The following MSLN variants were observed in gnomAD, a reference collection of about 807,000 sequenced individuals.
MSLN encodes mesothelin, also known as CAK1 antigen.
In MSLN, 82 loss-of-function variants were observed where a neutral mutation model predicts 72.6. The observed-to-expected ratio is 1.13, with a 90% CI of 0.94 to 1.36. The LOEUF (loss-of-function observed/expected upper bound fraction) is 1.36. Ranked by LOEUF, MSLN falls within the 40% of genes most tolerant of loss-of-function variation. The pLI is 0.00. For synonymous variants in MSLN, 456 were observed against 387.3 expected (o/e 1.18, Z -2.08); for missense variants, 1,005 against 847.9 (o/e 1.19, Z -2.30).
chr16:763,521 C>A (rs943360780), intron 4 of MSLN, 121 bp from the exon 5 acceptor site: 1 of 1,054,498 alleles, frequency 9.5e-7, no homozygotes, highest in Non-Finnish European at 1.4e-6. Context: ...GGGTCTGAGA[C>A]ACAGCCAGGC....
Position 766,693 on chromosome 16 carries a change from TGAAGG to T in MSLN, c.1263_1267del (p.Arg422ProfsTer46), listed in dbSNP as rs754100402. The stretch of plus-strand genomic sequence containing the variant: ...GTGGCCACCCTGATCGACCGCTTTG[TGAAGG>T]GAAGGGGCCAGCTAGACAAAGACAC... On this transcript the variant is annotated frameshift_variant, in exon 14 of 18. Coordinates refer to ENST00000545450, the MANE Select transcript of MSLN (RefSeq NM_005823.6). LOFTEE classifies it high-confidence loss of function. The T allele has an allele frequency of 1.9e-6, 3 of 1,612,464 alleles. No individual in the cohort carries two copies. In the East Asian group the frequency reaches 6.7e-5, roughly 36 times the overall value.
In MSLN at chr16:762,779, G is replaced by A; in HGVS notation, c.85+14G>A. On this transcript the variant is annotated intron_variant, in intron 3 of 17. Coordinates refer to ENST00000545450, the MANE Select transcript of MSLN (RefSeq NM_005823.6). ...TCTTCAGCCTCGGTGCGTACTTGAT[G>A]GGGCTGCTGGTGAGGTGGGGACGGC... 1 of 1,559,358 alleles carries A rather than the reference G, an allele frequency of 6.4e-7. No homozygotes were observed. Among genetic ancestry groups the A allele is most frequent in the Non-Finnish European group, 8.6e-7 (1 of 1,156,960 alleles).
chr16:767,367 G>T lies in MSLN; in HGVS notation c.1502-9G>T. 1.2e-6 allele frequency: 2 copies of T among 1,610,676 alleles called. No homozygotes were observed. Among genetic ancestry groups the T allele is most frequent in the Non-Finnish European group, 1.7e-6 (2 of 1,179,030 alleles). On this transcript the variant is annotated splice_polypyrimidine_tract_variant and intron_variant, in intron 15 of 17. Transcript: ENST00000545450. Reference sequence around the variant, plus strand: ...AGGCCTCAGCTCGGGCCCCTCTCCCGGCGGGCAGGTGGGGCCCCCACGGAG... The same window carrying T: ...AGGCCTCAGCTCGGGCCCCTCTCCCTGCGGGCAGGTGGGGCCCCCACGGAG...
At position 765,304 on chromosome 16, in the gene MSLN, GTAA is replaced by G. The variant is rs1182661893; in HGVS notation, c.704+2_704+4del. 1.9e-6 allele frequency: 3 copies of G among 1,565,464 alleles called. No homozygotes were observed. In the African/African-American group the frequency reaches 4.1e-5, roughly 21 times the overall value. On this transcript the variant is annotated splice_donor_variant and splice_donor_region_variant and intron_variant, in intron 9 of 17. Coordinates refer to ENST00000545450, the MANE Select transcript of MSLN (RefSeq NM_005823.6). LOFTEE classifies it high-confidence loss of function. Reference sequence around the variant, plus strand: ...TGCAGGGCGGGGGACCCCCCTACGGGTAAGTGAAGGTGTCTGGAACCTCGAAGG... The same window carrying G: ...TGCAGGGCGGGGGACCCCCCTACGGGGTGAAGGTGTCTGGAACCTCGAAGG...
chr16:768,161 G>A (rs1223567424), intron 16 of MSLN, among the ~76,000 whole-genome samples: 2 of 151,136 alleles, frequency 1.3e-5, no homozygotes, highest in East Asian at 2.0e-4. Flanking sequence ...GTCTGCAGTG[G>A]GGCGAGGCCT....
chr16:763,738 C>T (rs1255576725), intron 5 of MSLN, 47 bp downstream of exon 5: 1 of 1,542,372 alleles, frequency 6.5e-7, no homozygotes, highest in Non-Finnish European at 8.8e-7. Flanking sequence ...CTCGAGGGGC[C>T]CTCGGGACTG....
chr16:761,236 G>A (rs2041532934), intron 2 of MSLN, 62 bp downstream of exon 2: 1 of 152,292 alleles, frequency 6.6e-6, no homozygotes, highest in Non-Finnish European at 1.5e-5. Flanking sequence ...CCTTCCATCT[G>A]GAGAACTGGG....
chr16:767,482 G>C lies in MSLN; in HGVS notation c.1596+12G>C. On this transcript the variant is annotated intron_variant, in intron 16 of 17. Coordinates refer to ENST00000545450, the MANE Select transcript of MSLN (RefSeq NM_005823.6). ...CGGATGCGGTGCTGGTATGGCGAGC[G>C]GGAGGAGGGGCGTGTGGAGGAGGGG... 1 of 1,570,964 alleles carries C rather than the reference G, an allele frequency of 6.4e-7. No individual in the cohort carries two copies. Among genetic ancestry groups the C allele is most frequent in the Non-Finnish European group, 8.6e-7 (1 of 1,164,342 alleles).
At position 766,233 on chromosome 16, in the gene MSLN, A is replaced by G. The variant is rs771485031; in HGVS notation, c.1070A>G (p.Asp357Gly). 1 of 1,609,506 alleles carries G rather than the reference A, an allele frequency of 6.2e-7. No homozygotes were observed. The highest frequency in any genetic ancestry group is 1.1e-5 in the South Asian group (1 of 91,036). ...EQLDVLKHKL[D>G]ELYPQGYPES... ...CTGGACGTCCTAAAGCATAAACTGG[A>G]TGAGGTAGTTCATGACTCAAGTTCC... The change falls in exon 12 of 18, where the codon GAT (aspartate) becomes GGT (glycine). Residue 357 changes from aspartate to glycine, a missense_variant. Physicochemically the swap from Asp to Gly is moderately conservative, Grantham distance 94. Transcript: ENST00000545450.
intron 15 of MSLN, 69 bp from the exon 16 acceptor site, chr16:767,306 TG>T (rs2041628445): frequency 7.1e-7 from 1 of 1,415,470 alleles, no homozygotes; most frequent in African/African-American, 1.4e-5. Context: ...GTGGGCTTCC[TG>T]CAGCCTGTGG....
chr16:764,389 C>T (rs988322289), intron 6 of MSLN, among the ~76,000 whole-genome samples: 14 of 152,186 alleles, frequency 9.2e-5, no homozygotes, highest in Admixed American at 4.6e-4. Flanking sequence ...CCTGGAGCGC[C>T]GTGGGCAGCC....
intron 8 of MSLN, 35 bp from the exon 9 acceptor site, chr16:765,075 C>T (rs962390774): frequency 4.4e-6 from 7 of 1,607,306 alleles, no homozygotes; most frequent in Admixed American, 3.3e-5. Context: ...GAGGGCTCGG[C>T]AGTTCCAAAA....
chr16:762,505 G>T (rs1050372157), intron 2 of MSLN, 167 bp from the exon 3 acceptor site: 8 of 621,982 alleles, frequency 1.3e-5, no homozygotes, highest in Non-Finnish European at 5.7e-6. Context: ...CCAGGGGACA[G>T]AGGGCTCAGT....
intron 16 of MSLN, 63 bp downstream of exon 16, chr16:767,533 G>C: frequency 1.1e-6 from 1 of 943,666 alleles, no homozygotes; most frequent in South Asian, 1.7e-5. Flanking sequence ...CGAGTGGGAG[G>C]AGGGGCGCGT....
At chr16:762,797 G>C (rs1181552313) in intron 3 of MSLN, 32 bp downstream of exon 3, 1 of 1,529,448 alleles carries the variant, frequency 6.5e-7, no homozygotes, top group Non-Finnish European at 8.8e-7. Flanking sequence ...TGGTGAGGTG[G>C]GGACGGCCCA....
chr16:764,371 G>C (rs544029074), intron 6 of MSLN, among the ~76,000 whole-genome samples: 4 of 152,324 alleles, frequency 2.6e-5, no homozygotes, highest in Non-Finnish European at 4.4e-5. Flanking sequence ...CTGTGTGCTG[G>C]GCCCCCTCCT....
At chr16:763,838 G>A (rs1259924437) in intron 5 of MSLN, 147 bp downstream of exon 5, 2 of 113,794 alleles carry the variant, frequency 1.8e-5, no homozygotes, top group Non-Finnish European at 2.2e-5. Context: ...GACTGCGGGA[G>A]GGACTGACAC....
chr16:768,445 CG>C lies in MSLN; in HGVS notation c.1665del (p.His556ThrfsTer34). 2 of 1,529,234 alleles carry C rather than the reference CG, an allele frequency of 1.3e-6. No homozygotes were observed. Among genetic ancestry groups the C allele is most frequent in the Non-Finnish European group, 1.8e-6 (2 of 1,134,944 alleles). The allele number at this position is 1,529,234 out of a possible 1,614,324, so 94.7% of individuals were successfully genotyped here. ...PHVEGLKAEE[R>X]HRPVRDWILR... is the part of the protein sequence containing the mutation. ...CGTGGAGGGCCTGAAGGCGGAGGAG[CG>C]GCACCGCCCGGTGCGGGACTGGATC... On this transcript the variant is annotated frameshift_variant, in exon 17 of 18. Coordinates refer to ENST00000545450, the MANE Select transcript of MSLN (RefSeq NM_005823.6). LOFTEE classifies it high-confidence loss of function.
At position 768,816 on chromosome 16, in the gene MSLN, C is replaced by T. The variant is rs767234287; in HGVS notation, c.*83C>T. On this transcript the variant is annotated 3_prime_UTR_variant, in exon 18 of 18. Transcript: ENST00000545450. ...AGGCACGGGTGGTCCCCGTTCCACC[C>T]CAAGAGAACTCGCGCTCAGTAAACG... 29 of 1,349,712 alleles carry T rather than the reference C, an allele frequency of 2.1e-5. No homozygotes were observed. Among genetic ancestry groups the T allele is most frequent in the Admixed American group, 5.3e-5 (3 of 56,802 alleles). The allele number at this position is 1,349,712 out of a possible 1,614,324, so 83.6% of individuals were successfully genotyped here.
Sources: gnomAD v4.1 joint callset for allele counts (sites outside exome capture counted in the v4.1 genomes callset) on GRCh38, gnomAD v4.1.1 for gene constraint, MANE v1.5 for transcripts, NCBI Gene and HGNC (gene_info 2026-07-23, HGNC 2026-07-21) for gene names.